The following ASNS variants were observed in gnomAD, a reference collection of about 807,000 sequenced individuals.
ASNS encodes asparagine synthetase (glutamine-hydrolyzing).
In ASNS, 37 loss-of-function variants were observed where a neutral mutation model predicts 62.6. The observed-to-expected ratio is 0.59, with a 90% CI of 0.45 to 0.78. The LOEUF is 0.78. Among genes scored for constraint, ASNS ranks in the 30% least tolerant of loss-of-function variants. The probability of loss-of-function intolerance (pLI) is 0.00; values close to 1 mark genes in which losing one functional copy is unlikely to be tolerated. For missense variants in ASNS, 520 were observed against 682.4 expected (o/e 0.76, Z 2.65); for synonymous variants, 207 against 237.9 (o/e 0.87, Z 1.19).
chr7:97,880,788 T>G, the ASNS span, among the ~76,000 whole-genome samples: 1 of 152,208 alleles, frequency 6.6e-6, no homozygotes, highest in African/African-American at 2.4e-5. Context: ...AAGGAGATTC[T>G]CAAACACAGC....
chr7:97,918,803 G>A, the ASNS span, among the ~76,000 whole-genome samples: 5 of 152,124 alleles, frequency 3.3e-5, no homozygotes, highest in Non-Finnish European at 7.3e-5. Context: ...GGGTGGGAGA[G>A]CGTTAGGACA....
At chr7:97,878,168 G>A in the ASNS span, among the ~76,000 whole-genome samples, 1 of 152,176 alleles carries the variant, frequency 6.6e-6, no homozygotes, top group Non-Finnish European at 1.5e-5. Flanking sequence ...GGCAGATCAC[G>A]AGGTCAAGAG....
At chr7:97,856,934 GA>G in intron 7 of ASNS, 118 bp from the exon 8 acceptor site, 2 of 1,087,362 alleles carry the variant, frequency 1.8e-6, no homozygotes, top group Non-Finnish European at 2.6e-6. Context: ...CTAAACAAGG[GA>G]AAAAAAGAAA....
the ASNS span, among the ~76,000 whole-genome samples, chr7:97,919,564 C>A: frequency 6.6e-6 from 1 of 152,214 alleles, no homozygotes; most frequent in Admixed American, 6.5e-5. Context: ...CGTGCACATG[C>A]CCTCCCAGGC....
the ASNS span, among the ~76,000 whole-genome samples, chr7:97,922,361 CT>C: frequency 0.028 from 4,119 of 148,952 alleles, 100 homozygotes; most frequent in African/African-American, 0.062. Flanking sequence ...ATGAGATTGT[CT>C]CAAAAAAAAA....
chr7:97,898,785 T>C, the ASNS span: 4 of 709,164 alleles, frequency 5.6e-6, no homozygotes, highest in East Asian at 1.0e-4. Context: ...TTTTCAACCA[T>C]GGAACATATT....
chr7:97,873,023 G>A (rs1298443552), upstream of ASNS, among the ~76,000 whole-genome samples: 1 of 152,194 alleles, frequency 6.6e-6, no homozygotes, highest in Non-Finnish European at 1.5e-5. Flanking sequence ...TTGAGGCTGA[G>A]GTGAGCTCAA....
At chr7:97,884,803 G>C in the ASNS span, among the ~76,000 whole-genome samples, 2 of 150,712 alleles carry the variant, frequency 1.3e-5, no homozygotes, top group South Asian at 2.1e-4. Flanking sequence ...CACAGAGCTC[G>C]GCAACCACCA....
chr7:97,881,657 G>A, the ASNS span, among the ~76,000 whole-genome samples: 4 of 152,240 alleles, frequency 2.6e-5, no homozygotes, highest in South Asian at 2.1e-4. Context: ...GCAACATCAC[G>A]CTAAGTGAGA....
intron 3 of ASNS, among the ~76,000 whole-genome samples, chr7:97,867,528 C>G (rs1212492059): frequency 1.3e-5 from 2 of 152,100 alleles, no homozygotes; most frequent in Non-Finnish European, 2.9e-5. Context: ...AGAAATAACA[C>G]TGTTCAAGTG....
At chr7:97,879,986 T>C in the ASNS span, among the ~76,000 whole-genome samples, 1 of 152,174 alleles carries the variant, frequency 6.6e-6, no homozygotes, top group African/African-American at 2.4e-5. Context: ...GCTGTGATGA[T>C]TGTTCTCTTC....
chr7:97,905,376 AG>A, the ASNS span, among the ~76,000 whole-genome samples: 1 of 152,180 alleles, frequency 6.6e-6, no homozygotes, highest in Non-Finnish European at 1.5e-5. Context: ...CAACTGCCCA[AG>A]GGCTGCTGAA....
the ASNS span, among the ~76,000 whole-genome samples, chr7:97,914,403 G>A: frequency 6.6e-6 from 1 of 152,162 alleles, no homozygotes; most frequent in Non-Finnish European, 1.5e-5. Context: ...TATTGGCTAG[G>A]AAAGTCAAAA....
chr7:97,913,945 T>G, the ASNS span, among the ~76,000 whole-genome samples: 2 of 148,062 alleles, frequency 1.4e-5, no homozygotes, highest in African/African-American at 5.0e-5. Flanking sequence ...GGTGAGGGGG[T>G]GGAGGGATAG....
intron 3 of ASNS, among the ~76,000 whole-genome samples, chr7:97,868,017 G>A (rs1456215300): frequency 1.3e-5 from 2 of 152,138 alleles, no homozygotes; most frequent in Non-Finnish European, 2.9e-5. Context: ...ATGAAATCTG[G>A]CTCAAAACAA....
chr7:97,912,771 T>C, the ASNS span, among the ~76,000 whole-genome samples: 1 of 151,054 alleles, frequency 6.6e-6, no homozygotes, highest in Non-Finnish European at 1.5e-5. Context: ...TTAGTAGAGA[T>C]GGGGTTTCAC....
intron 12 of ASNS, 118 bp from the exon 13 acceptor site, chr7:97,852,586 T>G: frequency 1.0e-6 from 1 of 963,988 alleles, no homozygotes; most frequent in South Asian, 1.5e-5. Flanking sequence ...ATGAGACCCT[T>G]TGAATCACCC....
Position 97,856,721 on chromosome 7 carries a change from A to T in ASNS, c.999T>A (p.Thr333=). The T allele has an allele frequency of 6.2e-7, 1 of 1,613,472 alleles. No homozygotes were observed. Among genetic ancestry groups the T allele is most frequent in the Non-Finnish European group, 8.5e-7 (1 of 1,179,668 alleles). Residue 333 remains threonine, a synonymous_variant, in exon 8 of 13, where the codon ACT becomes ACA. Transcript: ENST00000394308. ...AAGCACGAACTGTTGTAATGTCATAAGTTTCCAAGGAAAATATGACTTCAT... is the reference window on the plus strand; with the variant it reads ...AAGCACGAACTGTTGTAATGTCATATGTTTCCAAGGAAAATATGACTTCAT... ...ALDEVIFSLE[T]YDITTVRASV... is the part of the protein sequence containing the mutation.
chr7:97,855,486 T>C, intron 8 of ASNS, 27 bp from the exon 9 acceptor site: 1 of 1,547,660 alleles, frequency 6.5e-7, no homozygotes, highest in Non-Finnish European at 8.9e-7. Flanking sequence ...AAATTAACTT[T>C]AATGTCAACA....
Sources: gnomAD v4.1 joint callset for allele counts (sites outside exome capture counted in the v4.1 genomes callset) on GRCh38, gnomAD v4.1.1 for gene constraint, MANE v1.5 for transcripts, NCBI Gene and HGNC (gene_info 2026-07-23, HGNC 2026-07-21) for gene names.